Variants in PPP1R37 observed in about 807,000 individuals in gnomAD.
PPP1R37 encodes the protein leucine rich repeat containing 68.
A neutral mutation model predicts 61.0 loss-of-function variants in PPP1R37; 21 were observed. The observed-to-expected ratio is 0.34, with a 90% CI of 0.24 to 0.50. The LOEUF (loss-of-function observed/expected upper bound fraction) is 0.50. Ranked by LOEUF, PPP1R37 falls within the 20% of genes least tolerant of loss-of-function variation. The pLI is 0.98. For missense variants in PPP1R37, 910 were observed against 952.7 expected (o/e 0.96, Z 0.59); for synonymous variants, 443 against 433.5 (o/e 1.02, Z -0.27).
intron 1 of PPP1R37, among the ~76,000 whole-genome samples, chr19:45,114,770 A>ACC (rs68097043): frequency 1.0e-4 from 15 of 144,764 alleles, no homozygotes; most frequent in East Asian, 6.8e-4. Context: ...AACAAGTGAG[A>ACC]CCCCCCCCCC....
chr19:45,145,904 G>A lies in PPP1R37; in HGVS notation c.1848G>A (p.Gly616=). Residue 616 remains glycine, a synonymous_variant, in exon 11 of 13, where the codon GGG becomes GGA. Coordinates refer to ENST00000221462, the MANE Select transcript of PPP1R37 (RefSeq NM_019121.2). ...GGGCCATTGACACCCGGGACACAGG[G>A]TCCTCTGAGCCTCAGCCACCACCGG... is the stretch of plus-strand genomic sequence containing the variant. ...PAGAIDTRDT[G]SSEPQPPPEP... is the part of the protein sequence containing the mutation. 2.6e-6 allele frequency: 4 copies of A among 1,533,064 alleles called. No homozygotes were observed. The highest frequency in any genetic ancestry group is 1.7e-4 in the Middle Eastern group (1 of 5,728). 95.0% of individuals were successfully genotyped at this position (1,533,064 alleles called of 1,614,324 possible). A position where few individuals can be genotyped will look rare whatever the true frequency, so the allele number is the denominator to read the frequency against.
At position 45,146,560 on chromosome 19, in the gene PPP1R37, T is replaced by G; in HGVS notation, c.*9-11T>G. The G allele has an allele frequency of 4.8e-5, 49 of 1,028,878 alleles. No homozygotes were observed. Among genetic ancestry groups the G allele is most frequent in the Non-Finnish European group, 6.7e-5 (47 of 699,496 alleles). 63.7% of individuals were successfully genotyped at this position (1,028,878 alleles called of 1,614,324 possible). A position where few individuals can be genotyped will look rare whatever the true frequency, so the allele number is the denominator to read the frequency against. ...CTCTGACAGTCTCTCCCCCAATCTC[T>G]CCTCCCCAAGTTCCCTTTTTCCGGT... On this transcript the variant is annotated splice_polypyrimidine_tract_variant and intron_variant, in intron 12 of 12. Coordinates refer to ENST00000221462, the MANE Select transcript of PPP1R37 (RefSeq NM_019121.2).
intron 1 of PPP1R37, among the ~76,000 whole-genome samples, chr19:45,099,301 G>A (rs534662286): frequency 5.9e-5 from 9 of 152,312 alleles, no homozygotes; most frequent in African/African-American, 1.4e-4. Flanking sequence ...CTGTGTGACC[G>A]TGGACAATTT....
rs547061630 is a variant in PPP1R37 at position 45,114,366 on chromosome 19, C to T, written c.202+20839C>T. ...CACTCCTTGTTCCTCTTTCTCTCTT[C>T]AGAACGTCTTCCACTAGGCTGGCCA... is the stretch of plus-strand genomic sequence containing the variant. On this transcript the variant is annotated intron_variant, in intron 1 of 12. Coordinates refer to ENST00000221462, the MANE Select transcript of PPP1R37 (RefSeq NM_019121.2). 5.9e-5 allele frequency among the ~76,000 whole-genome samples: 9 copies of T among 152,356 alleles called. No individual in the cohort carries two copies. The East Asian group carries it at 7.7e-4, about 13-fold the overall frequency.
At chr19:45,115,746 G>A (rs568526365) in intron 1 of PPP1R37, among the ~76,000 whole-genome samples, 2 of 152,202 alleles carry the variant, frequency 1.3e-5, no homozygotes, top group East Asian at 1.9e-4. Flanking sequence ...AGGCCGAGGC[G>A]GGTGGATCAT....
At chr19:45,110,230 C>T (rs1968184084) in intron 1 of PPP1R37, among the ~76,000 whole-genome samples, 1 of 151,890 alleles carries the variant, frequency 6.6e-6, no homozygotes, top group Non-Finnish European at 1.5e-5. Context: ...ATCCTCCCGC[C>T]TCAGCCTTCT....
intron 1 of PPP1R37, among the ~76,000 whole-genome samples, chr19:45,109,259 AC>A (rs1188769774): frequency 6.6e-6 from 1 of 152,210 alleles, no homozygotes; most frequent in African/African-American, 2.4e-5. Flanking sequence ...GGTGCAGGAC[AC>A]TAAAGAGAAG....
chr19:45,142,552 A>G (rs1968628356), intron 7 of PPP1R37, 94 bp downstream of exon 7: 4 of 1,298,184 alleles, frequency 3.1e-6, no homozygotes, highest in Non-Finnish European at 4.2e-6. Flanking sequence ...AGACATGGCC[A>G]AGACCACCCC....
At chr19:45,100,205 C>T (rs2122707698) in intron 1 of PPP1R37, 1 of 152,374 alleles carries the variant, frequency 6.6e-6, no homozygotes, top group Middle Eastern at 3.4e-3. Context: ...ATCACTCAGT[C>T]CCAAGCCTGC....
At chr19:45,144,522 AC>A (rs1375481739) in intron 8 of PPP1R37, 2 of 334,878 alleles carry the variant, frequency 6.0e-6, no homozygotes, top group Non-Finnish European at 1.1e-5. Context: ...GTGTGCTCAA[AC>A]CCCGGGATAA....
chr19:45,120,073 A>G (rs1968321713), intron 1 of PPP1R37, among the ~76,000 whole-genome samples: 1 of 129,624 alleles, frequency 7.7e-6, no homozygotes, highest in African/African-American at 3.0e-5. Flanking sequence ...GCTGGAGTGC[A>G]GTGGCGCGAT....
At position 45,142,159 on chromosome 19, in the gene PPP1R37, A is replaced by G. The variant is rs898574847; in HGVS notation, c.666A>G (p.Ala222=). ...CCCTGCGCATCCGCAGCAGCCTGGCAGTGCTGCACTTGGAGAACGCCAGCC... is the reference window on the plus strand; with the variant it reads ...CCCTGCGCATCCGCAGCAGCCTGGCGGTGCTGCACTTGGAGAACGCCAGCC... ...ARALRIRSSL[A]VLHLENASLS... Residue 222 remains alanine, a synonymous_variant, in exon 6 of 13, where the codon GCA becomes GCG. Coordinates refer to ENST00000221462, the MANE Select transcript of PPP1R37 (RefSeq NM_019121.2). 2.6e-6 allele frequency: 4 copies of G among 1,535,276 alleles called. No homozygotes were observed. In the African/African-American group the frequency reaches 5.5e-5, roughly 21 times the overall value.
At chr19:45,135,671 C>T (rs934854795) in intron 1 of PPP1R37, among the ~76,000 whole-genome samples, 1 of 151,982 alleles carries the variant, frequency 6.6e-6, no homozygotes, top group Admixed American at 6.6e-5. Flanking sequence ...AGAGTCGATG[C>T]GTTCGCTCCT....
At chr19:45,120,809 TCACCA>T (rs1968333290) in intron 1 of PPP1R37, among the ~76,000 whole-genome samples, 1 of 152,164 alleles carries the variant, frequency 6.6e-6, no homozygotes, top group Non-Finnish European at 1.5e-5. Context: ...GACGGGGGTT[TCACCA>T]TGTTGGCCAG....
At position 45,130,740 on chromosome 19, in the gene PPP1R37, T is replaced by C. The variant is rs1020410160; in HGVS notation, c.203-7774T>C. ...GGCCCTAGCTAGGACCTCCTGACTCTGGTGCTCTGTGAACCTGGCTCGCAG... is the reference window on the plus strand; with the variant it reads ...GGCCCTAGCTAGGACCTCCTGACTCCGGTGCTCTGTGAACCTGGCTCGCAG... On this transcript the variant is annotated intron_variant, in intron 1 of 12. Transcript: ENST00000221462. This position sits in a 1 kb window ranked among gnomAD's most constrained non-coding sequence, Gnocchi z 4.4. 2.6e-5 allele frequency among the ~76,000 whole-genome samples: 4 copies of C among 152,242 alleles called. No individual in the cohort carries two copies. The highest frequency in any genetic ancestry group is 4.8e-5 in the African/African-American group (2 of 41,468).
At chr19:45,095,916 C>T (rs1967987274) in intron 1 of PPP1R37, among the ~76,000 whole-genome samples, 1 of 152,134 alleles carries the variant, frequency 6.6e-6, no homozygotes, top group Admixed American at 6.5e-5. Context: ...GGGGAAAGAC[C>T]TGGAGAGGCA....
intron 1 of PPP1R37, among the ~76,000 whole-genome samples, chr19:45,103,090 C>G (rs1055565886): frequency 6.6e-6 from 1 of 152,240 alleles, no homozygotes; most frequent in African/African-American, 2.4e-5. Flanking sequence ...TTTGTCTTGG[C>G]TCACCTGTGT....
chr19:45,139,447 C>T (rs1484414972), intron 2 of PPP1R37, among the ~76,000 whole-genome samples: 2 of 152,164 alleles, frequency 1.3e-5, no homozygotes, highest in Non-Finnish European at 2.9e-5. Context: ...CCCACCCTGC[C>T]GGTCCCCCAG....
In PPP1R37 at chr19:45,141,334, C is replaced by A; in HGVS notation, c.460C>A (p.Leu154Ile). The A allele has an allele frequency of 6.5e-7, 1 of 1,535,882 alleles. No homozygotes were observed. ...TNLDEDGASALFDMIEYYESA... is the reference protein window; with the variant it reads ...TNLDEDGASAIFDMIEYYESA... ...TCTCTATGCGCAGGGTGCCTCGGCC[C>A]TCTTCGACATGATCGAGTACTACGA... Residue 154 changes from leucine to isoleucine, a missense_variant, in exon 5 of 13, where the codon CTC becomes ATC. Coordinates refer to ENST00000221462, the MANE Select transcript of PPP1R37 (RefSeq NM_019121.2).
Sources: gnomAD v4.1 joint callset for allele counts (sites outside exome capture counted in the v4.1 genomes callset) on GRCh38, gnomAD v4.1.1 for gene constraint, Gnocchi (gnomAD v3.1) non-coding constraint, MANE v1.5 for transcripts, NCBI Gene and HGNC (gene_info 2026-07-23, HGNC 2026-07-21) for gene names.